The following ETNK1 variants were observed in gnomAD, a reference collection of about 807,000 sequenced individuals.
The protein encoded by ETNK1 is ethanolamine kinase 1.
A neutral mutation model predicts 45.1 loss-of-function variants in ETNK1; 8 were observed. That is an observed-to-expected ratio of 0.18 (90% confidence interval 0.10 to 0.32). The LOEUF (loss-of-function observed/expected upper bound fraction) is 0.32, where lower values mean the gene tolerates loss of function less well. Among genes scored for constraint, ETNK1 ranks in the 10% least tolerant of loss-of-function variants. The pLI, the probability that ETNK1 is intolerant of heterozygous loss-of-function variation, is 1.00. For synonymous variants in ETNK1, 152 were observed against 151.9 expected, an observed-to-expected ratio of 1.00 and a Z score of -0.01; for missense variants, 302 against 430.6, an observed-to-expected ratio of 0.70 and a Z score of 2.64.
intron 6 of ETNK1, among the ~76,000 whole-genome samples, chr12:22,674,225 C>T (rs1024988038): frequency 6.6e-6 from 1 of 152,060 alleles, no homozygotes; most frequent in African/African-American, 2.4e-5. Flanking sequence ...AAAATGAGCT[C>T]ATTATCTTTT....
Position 22,648,922 on chromosome 12 carries a change from A to C in ETNK1, c.416+4900A>C, listed in dbSNP as rs147762846. 5.9e-5 allele frequency among the ~76,000 whole-genome samples: 9 copies of C among 152,134 alleles called. No homozygotes were observed. In the East Asian group the frequency reaches 1.7e-3, roughly 29 times the overall value. ...TTTTGGATTTTGGCCATTCTAATAG[A>C]TATATAGTGGTATCTTACTGTTTTT... On this transcript the variant is annotated intron_variant, in intron 2 of 7. Transcript: ENST00000266517.
rs751599669 is a variant in ETNK1, at chr12:22,625,219, G to A, written c.-212G>A. ...GACAACAGGAATTTTCTCCGAGAGC[G>A]GGCCGGGCTCAGTTCAGCTGCTGTC... is the stretch of plus-strand genomic sequence containing the variant. On this transcript the variant is annotated 5_prime_UTR_variant, in exon 1 of 8. Coordinates refer to ENST00000266517, the MANE Select transcript of ETNK1 (RefSeq NM_018638.5). 12 of 1,610,536 alleles carry A rather than the reference G, an allele frequency of 7.5e-6. No homozygotes were observed. The African/African-American group carries it at 1.3e-4, about 18-fold the overall frequency.
At chr12:22,645,092 A>G (rs1212111701) in intron 2 of ETNK1, among the ~76,000 whole-genome samples, 1 of 151,956 alleles carries the variant, frequency 6.6e-6, no homozygotes, top group African/African-American at 2.4e-5. Context: ...AGATGTATTA[A>G]AAGATTCTGA....
In ETNK1 at chr12:22,659,036, A is replaced by C; in HGVS notation, c.439A>C (p.Lys147Gln). 6.2e-7 allele frequency: 1 copy of C among 1,613,606 alleles called. No homozygotes were observed. Among genetic ancestry groups the C allele is most frequent in the Non-Finnish European group, 8.5e-7 (1 of 1,179,840 alleles). ...IFRLIARQLAKIHAIHAHNGW... is the reference protein window; with the variant it reads ...IFRLIARQLAQIHAIHAHNGW... The stretch of plus-strand genomic sequence containing the variant: ...CAGGCTAATAGCTCGTCAGCTTGCT[A>C]AAATCCATGCTATTCATGCACACAA... Residue 147 changes from lysine to glutamine, a missense_variant, in exon 3 of 8, where the codon AAA (lysine) becomes CAA (glutamine). Lys to Gln is a moderately conservative substitution (Grantham distance 53). Transcript: ENST00000266517.
intron 2 of ETNK1, among the ~76,000 whole-genome samples, chr12:22,651,843 G>A (rs548390751): frequency 5.3e-5 from 8 of 151,822 alleles, no homozygotes; most frequent in South Asian, 4.2e-4. Context: ...CCACCACCTC[G>A]CCCTGCCGAG....
intron 2 of ETNK1, among the ~76,000 whole-genome samples, chr12:22,650,052 G>A (rs1475680989): frequency 2.0e-5 from 3 of 151,968 alleles, no homozygotes; most frequent in Non-Finnish European, 2.9e-5. Context: ...TGTATTTTTG[G>A]GGGTGTTACT....
intron 1 of ETNK1, among the ~76,000 whole-genome samples, chr12:22,636,324 A>G (rs1449134473): frequency 6.6e-6 from 1 of 152,212 alleles, no homozygotes; most frequent in Non-Finnish European, 1.5e-5. Flanking sequence ...GTCATCTATA[A>G]GCATTAAAAA....
intron 2 of ETNK1, chr12:22,656,480 A>AT: frequency 2.0e-6 from 2 of 985,304 alleles, no homozygotes; most frequent in Non-Finnish European, 2.4e-6. Flanking sequence ...TTTGGAAAAC[A>AT]TTTCCAAATA....
rs187044957 is a variant in ETNK1 at position 22,646,135 on chromosome 12, A to G, written c.416+2113A>G. Among the ~76,000 whole-genome samples, 337 of 151,976 alleles carry G rather than the reference A, an allele frequency of 2.2e-3. 1 individual carries two copies. The highest frequency in any genetic ancestry group is 3.1e-3 in the Non-Finnish European group (210 of 67,790). ...GGCATTATGAATAGTAACATTTGCTATTTAATTTGTTTCGCTGTTAAATTT... is the reference window on the plus strand; with the variant it reads ...GGCATTATGAATAGTAACATTTGCTGTTTAATTTGTTTCGCTGTTAAATTT... On this transcript the variant is annotated intron_variant, in intron 2 of 7. Coordinates refer to ENST00000266517, the MANE Select transcript of ETNK1 (RefSeq NM_018638.5).
At chr12:22,679,451 G>A (rs1019076295) in intron 6 of ETNK1, among the ~76,000 whole-genome samples, 1 of 152,090 alleles carries the variant, frequency 6.6e-6, no homozygotes, top group Admixed American at 6.5e-5. Context: ...AGCCGACATT[G>A]AGGGTGGGTC....
chr12:22,668,162 C>T (rs1044122975), intron 4 of ETNK1, among the ~76,000 whole-genome samples: 1 of 152,116 alleles, frequency 6.6e-6, no homozygotes, highest in Non-Finnish European at 1.5e-5. Flanking sequence ...AGAAAGTGCA[C>T]ATACACATAA....
chr12:22,660,051 A>C (rs1009815702), intron 3 of ETNK1, among the ~76,000 whole-genome samples: 2 of 151,776 alleles, frequency 1.3e-5, no homozygotes, highest in African/African-American at 4.8e-5. Context: ...AAAAAAAAAA[A>C]AAAACACCGC....
At position 22,671,218 on chromosome 12, in the gene ETNK1, T is replaced by C. The variant is rs1332186271; in HGVS notation, c.701-54T>C. 2.4e-6 allele frequency: 3 copies of C among 1,230,500 alleles called. No homozygotes were observed. The African/African-American group carries it at 4.5e-5, about 18-fold the overall frequency. The allele number at this position is 1,230,500 out of a possible 1,614,324, so 76.2% of individuals were successfully genotyped here. ...TATTTAATTACAAATAGCATAGGGA[T>C]TTTCTGATCTTATATGTGATTTCTT... On this transcript the variant is annotated intron_variant, in intron 4 of 7. Coordinates refer to ENST00000266517, the MANE Select transcript of ETNK1 (RefSeq NM_018638.5).
rs563115961 is a variant in ETNK1 at position 22,670,613 on chromosome 12, TAAAAG to T, written c.701-655_701-651del. Among the ~76,000 whole-genome samples the T allele has an allele frequency of 7.2e-3, 1,095 of 152,304 alleles. 7 individuals are homozygous for T. Among genetic ancestry groups the T allele is most frequent in the Non-Finnish European group, 9.0e-3 (610 of 68,008 alleles). ...GAAAATTTCTCACGTTTATAAACGT[TAAAAG>T]AAACCATACTTTTGCTTTTTGTAAG... On this transcript the variant is annotated intron_variant, in intron 4 of 7. Coordinates refer to ENST00000266517, the MANE Select transcript of ETNK1 (RefSeq NM_018638.5).
intron 2 of ETNK1, among the ~76,000 whole-genome samples, chr12:22,651,642 A>G (rs1306480250): frequency 1.3e-5 from 2 of 148,840 alleles, no homozygotes; most frequent in African/African-American, 5.1e-5. Flanking sequence ...TAATTTCCTA[A>G]CATATTTTTT....
intron 6 of ETNK1, among the ~76,000 whole-genome samples, chr12:22,677,570 A>C (rs548261614): frequency 5.5e-4 from 83 of 152,284 alleles, no homozygotes; most frequent in African/African-American, 1.8e-3. Flanking sequence ...GCTTGATGGG[A>C]ATAGCATTGA....
At chr12:22,683,396 T>C (rs1310338650) in intron 6 of ETNK1, among the ~76,000 whole-genome samples, 1 of 152,022 alleles carries the variant, frequency 6.6e-6, no homozygotes, top group Non-Finnish European at 1.5e-5. Context: ...GTTAGTGGTA[T>C]TTTTTTGAGG....
In ETNK1 at chr12:22,625,849, G is replaced by T. The variant is rs1287525174; in HGVS notation, c.156+263G>T. On this transcript the variant is annotated intron_variant, in intron 1 of 7. Transcript: ENST00000266517. ...GTAAGTGACGGACCCATCCACGGGG[G>T]GAGATTCCTGCTGATAGTTGCCCCT... is the stretch of plus-strand genomic sequence containing the variant. The T allele has an allele frequency of 5.4e-5, 37 of 684,608 alleles. No individual in the cohort carries two copies. In the East Asian group the frequency reaches 9.6e-4, roughly 18 times the overall value. The allele number at this position is 684,608 out of a possible 1,614,324, so 42.4% of individuals were successfully genotyped here.
At position 22,657,193 on chromosome 12, in the gene ETNK1, T is replaced by G. The variant is rs1178497848; in HGVS notation, c.417-1821T>G. ...TTTTCTGTATTCTTGTGGACATGAGTGTATGGTCTTAGGGAAGGTCATTCA... is the reference window on the plus strand; with the variant it reads ...TTTTCTGTATTCTTGTGGACATGAGGGTATGGTCTTAGGGAAGGTCATTCA... On this transcript the variant is annotated intron_variant, in intron 2 of 7. Transcript: ENST00000266517. 2.0e-5 allele frequency among the ~76,000 whole-genome samples: 3 copies of G among 152,210 alleles called. No homozygotes were observed. In the East Asian group the frequency reaches 5.8e-4, roughly 29 times the overall value.
Sources: allele counts gnomAD v4.1 joint callset (sites outside exome capture counted in the v4.1 genomes callset), GRCh38; gene constraint gnomAD v4.1.1; transcripts MANE v1.5; gene names NCBI Gene and HGNC (gene_info 2026-07-23, HGNC 2026-07-21).